SKIC3: variants seen among roughly 807,000 people sequenced by gnomAD.
SKIC3 encodes the protein superkiller complex protein 3.
chr5:95,490,276 T>C, the SKIC3 span, among the ~76,000 whole-genome samples: 1 of 151,832 alleles, frequency 6.6e-6, no homozygotes, highest in Non-Finnish European at 1.5e-5. Context: ...TCAAAGTAAG[T>C]AAATGCTACA....
the SKIC3 span, among the ~76,000 whole-genome samples, chr5:95,538,599 C>G: frequency 2.0e-5 from 3 of 152,012 alleles, no homozygotes; most frequent in African/African-American, 7.2e-5. Flanking sequence ...TAGCTATTTA[C>G]TATAATAAGA....
chr5:95,470,027 A>G, the SKIC3 span: 3 of 1,250,090 alleles, frequency 2.4e-6, no homozygotes, highest in African/African-American at 1.7e-5. Flanking sequence ...CCCAGCCTGG[A>G]GTGCAGTGGC....
chr5:95,506,903 G>C, the SKIC3 span: 1 of 1,605,028 alleles, frequency 6.2e-7, no homozygotes, highest in Non-Finnish European at 8.5e-7. Context: ...ACAATCAATT[G>C]ACAGAATTAA....
the SKIC3 span, chr5:95,541,256 G>A: frequency 1.0e-5 from 16 of 1,572,344 alleles, no homozygotes; most frequent in East Asian, 4.5e-5. Flanking sequence ...GTGAGTCACC[G>A]CGCCCAGCCC....
chr5:95,469,789 A>T, the SKIC3 span: 1 of 1,614,058 alleles, frequency 6.2e-7, no homozygotes, highest in Admixed American at 1.7e-5. Context: ...CCTTGCCCCC[A>T]TTTTGCGTTT....
chr5:95,528,289 A>T, the SKIC3 span: 1 of 1,015,220 alleles, frequency 9.9e-7, no homozygotes, highest in Non-Finnish European at 1.5e-6. Context: ...AGAATAACTC[A>T]AAGCTAAATA....
chr5:95,514,730 A>C, the SKIC3 span: 1 of 894,104 alleles, frequency 1.1e-6, no homozygotes, highest in Admixed American at 2.2e-5. Context: ...CAAAGAGCTA[A>C]GCACAGTGAC....
the SKIC3 span, among the ~76,000 whole-genome samples, chr5:95,485,441 C>G: frequency 6.6e-6 from 1 of 152,222 alleles, no homozygotes; most frequent in African/African-American, 2.4e-5. Flanking sequence ...AAATTACCTT[C>G]ATTTTCAAAT....
the SKIC3 span, among the ~76,000 whole-genome samples, chr5:95,475,838 A>G: frequency 1.4e-4 from 22 of 152,328 alleles, no homozygotes; most frequent in African/African-American, 5.3e-4. Context: ...TAGCTAGTGC[A>G]TAAGAGTAAC....
the SKIC3 span, among the ~76,000 whole-genome samples, chr5:95,550,412 C>T: frequency 1.4e-4 from 20 of 146,850 alleles, no homozygotes; most frequent in African/African-American, 3.8e-4. Flanking sequence ...GGAAAAAAAA[C>T]GATATCTTTA....
the SKIC3 span, chr5:95,491,151 A>T: frequency 1.4e-6 from 2 of 1,438,632 alleles, no homozygotes; most frequent in Non-Finnish European, 1.9e-6. Flanking sequence ...TCTAAAAAAA[A>T]ATTTCACTTT....
chr5:95,464,798 A>G, the SKIC3 span: 3 of 766,840 alleles, frequency 3.9e-6, no homozygotes, highest in African/African-American at 3.5e-5. Context: ...ACATCAAACT[A>G]TACTAGGAAA....
chr5:95,522,325 G>C, the SKIC3 span: 1 of 1,611,780 alleles, frequency 6.2e-7, no homozygotes, highest in South Asian at 1.1e-5. Flanking sequence ...TTAAAAAACC[G>C]TAAGAGAACT....
chr5:95,530,078 T>C, the SKIC3 span: 19 of 1,612,408 alleles, frequency 1.2e-5, no homozygotes, highest in African/African-American at 1.3e-4. Flanking sequence ...TGCCATACAC[T>C]GTACATTTAC....
At chr5:95,478,484 T>C in the SKIC3 span, 1 of 1,612,536 alleles carries the variant, frequency 6.2e-7, no homozygotes. Context: ...GATTTTAGTT[T>C]ATTATGCAGT....
chr5:95,494,402 A>G, the SKIC3 span, among the ~76,000 whole-genome samples: 1 of 152,202 alleles, frequency 6.6e-6, no homozygotes, highest in Non-Finnish European at 1.5e-5. Flanking sequence ...ATGTAAATGT[A>G]CTGAATTATC....
At chr5:95,512,366 C>G in the SKIC3 span, 1 of 1,300,612 alleles carries the variant, frequency 7.7e-7, no homozygotes, top group Non-Finnish European at 1.1e-6. Context: ...AAGGCAAATT[C>G]ATGTCTTAAA....
At chr5:95,472,934 T>A in the SKIC3 span, among the ~76,000 whole-genome samples, 6 of 152,188 alleles carry the variant, frequency 3.9e-5, no homozygotes, top group African/African-American at 1.4e-4. Context: ...AAGGGGGACA[T>A]GATTTCGTTC....
chr5:95,553,247 A>T, the SKIC3 span, among the ~76,000 whole-genome samples: 1 of 152,250 alleles, frequency 6.6e-6, no homozygotes, highest in South Asian at 2.1e-4. Context: ...GGGAGAAAGA[A>T]GAAAAAGATG....
Sources: gnomAD v4.1 joint callset for allele counts (sites outside exome capture counted in the v4.1 genomes callset) on GRCh38, gnomAD v4.1.1 for gene constraint, MANE v1.5 for transcripts, NCBI Gene and HGNC (gene_info 2026-07-23, HGNC 2026-07-21) for gene names.